NPFFR2: variants seen among roughly 807,000 people sequenced by gnomAD.
NPFFR2 encodes the protein neuropeptide FF receptor 2.
In NPFFR2, 15 loss-of-function variants were observed where a neutral mutation model predicts 13.1. That is an observed-to-expected ratio of 1.15 (90% CI 0.77 to 1.76). NPFFR2 has a LOEUF of 1.76. Among genes scored for constraint, NPFFR2 ranks in the 40% most tolerant of loss-of-function variants. The probability of loss-of-function intolerance (pLI) is 0.00; values close to 1 mark genes in which losing one functional copy is unlikely to be tolerated. For missense variants in NPFFR2, 572 were observed against 503.5 expected (o/e 1.14, Z -1.30); for synonymous variants, 190 against 175.7 (o/e 1.08, Z -0.65).
chr4:72,101,398 G>GT (rs1237257387), intron 1 of NPFFR2, among the ~76,000 whole-genome samples: 4 of 151,688 alleles, frequency 2.6e-5, no homozygotes, highest in African/African-American at 4.8e-5. Context: ...TTATTTATAT[G>GT]TTTTTTCTCT....
At chr4:72,139,151 G>T (rs906263800) in intron 3 of NPFFR2, among the ~76,000 whole-genome samples, 1 of 152,116 alleles carries the variant, frequency 6.6e-6, no homozygotes, top group Non-Finnish European at 1.5e-5. Context: ...GTAGATTCTG[G>T]ATATTAGCCC....
intron 1 of NPFFR2, among the ~76,000 whole-genome samples, chr4:72,045,667 G>T (rs1347097270): frequency 6.6e-6 from 1 of 152,016 alleles, no homozygotes; most frequent in Non-Finnish European, 1.5e-5. Context: ...GCCTACAGTT[G>T]GGCAAAAATC....
intron 1 of NPFFR2, among the ~76,000 whole-genome samples, chr4:72,068,030 T>C (rs1050034896): frequency 2.0e-5 from 3 of 152,290 alleles, no homozygotes; most frequent in Admixed American, 6.5e-5. Context: ...TTTTTCAACA[T>C]TTACTTCAAA....
At chr4:72,119,196 A>C (rs564518206) in intron 1 of NPFFR2, among the ~76,000 whole-genome samples, 80 of 152,354 alleles carry the variant, frequency 5.3e-4, no homozygotes, top group African/African-American at 1.9e-3. Context: ...TTTTTGTACC[A>C]AAATTTCCAA....
At chr4:72,086,845 T>C (rs570122888) in intron 1 of NPFFR2, among the ~76,000 whole-genome samples, 4 of 152,166 alleles carry the variant, frequency 2.6e-5, no homozygotes, top group African/African-American at 9.6e-5. Context: ...GATGACACCA[T>C]GTTTAATAAA....
At chr4:72,137,271 GA>G (rs1722447548) in intron 2 of NPFFR2, among the ~76,000 whole-genome samples, 2 of 152,152 alleles carry the variant, frequency 1.3e-5, no homozygotes, top group Admixed American at 6.6e-5. Context: ...AAAACTCTGA[GA>G]AATGCATAAT....
intron 1 of NPFFR2, among the ~76,000 whole-genome samples, chr4:72,038,066 C>G (rs192198237): frequency 6.6e-6 from 1 of 152,244 alleles, no homozygotes; most frequent in Admixed American, 6.5e-5. Context: ...CTTTTTTCCT[C>G]CTTTGACACC....
At chr4:72,140,755 A>G (rs1273775461) in intron 3 of NPFFR2, among the ~76,000 whole-genome samples, 1 of 152,162 alleles carries the variant, frequency 6.6e-6, no homozygotes, top group Non-Finnish European at 1.5e-5. Context: ...AGGCTTTGGT[A>G]TCAGGATGAT....
chr4:72,076,298 G>T (rs1302739374), intron 1 of NPFFR2, among the ~76,000 whole-genome samples: 1 of 151,896 alleles, frequency 6.6e-6, no homozygotes, highest in Admixed American at 6.6e-5. Flanking sequence ...AGAGGAAAGA[G>T]AATTGAGTAA....
intron 1 of NPFFR2, among the ~76,000 whole-genome samples, chr4:72,109,768 G>A (rs758610910): frequency 3.3e-4 from 50 of 151,864 alleles, no homozygotes; most frequent in Non-Finnish European, 5.6e-4. Flanking sequence ...CAAGGCCATT[G>A]GCTATAAGTG....
intron 1 of NPFFR2, among the ~76,000 whole-genome samples, chr4:72,076,016 G>C (rs1446759535): frequency 0.15 from 1,770 of 11,434 alleles, 42 homozygotes; most frequent in Admixed American, 0.26. Context: ...CAGAGAGAGA[G>C]AGAGGGCAGA....
chr4:72,110,329 A>G (rs1010527654), intron 1 of NPFFR2, among the ~76,000 whole-genome samples: 1 of 151,972 alleles, frequency 6.6e-6, no homozygotes, highest in African/African-American at 2.4e-5. Flanking sequence ...GCCATTCTGA[A>G]CTGTCAGTCA....
intron 1 of NPFFR2, among the ~76,000 whole-genome samples, chr4:72,120,021 A>G (rs1721823537): frequency 6.6e-6 from 1 of 152,108 alleles, no homozygotes; most frequent in South Asian, 2.1e-4. Flanking sequence ...GCAAGCTAAG[A>G]TCCACTGGCT....
intron 2 of NPFFR2, among the ~76,000 whole-genome samples, chr4:72,133,864 C>A (rs1036521907): frequency 6.6e-6 from 1 of 151,906 alleles, no homozygotes; most frequent in Non-Finnish European, 1.5e-5. Context: ...TTTTTTTTTA[C>A]CCTGAGACTT....
chr4:72,096,128 C>T (rs1299298139), intron 1 of NPFFR2, among the ~76,000 whole-genome samples: 1 of 152,082 alleles, frequency 6.6e-6, no homozygotes, highest in Non-Finnish European at 1.5e-5. Context: ...TTTAACATTC[C>T]TTCCAATAAT....
At chr4:72,087,404 C>A (rs1267783537) in intron 1 of NPFFR2, among the ~76,000 whole-genome samples, 1 of 152,032 alleles carries the variant, frequency 6.6e-6, no homozygotes, top group Non-Finnish European at 1.5e-5. Context: ...GCAGATAATA[C>A]AATTCTTATT....
At chr4:72,130,299 G>A (rs1722196481) in intron 2 of NPFFR2, among the ~76,000 whole-genome samples, 1 of 151,204 alleles carries the variant, frequency 6.6e-6, no homozygotes, top group Non-Finnish European at 1.5e-5. Flanking sequence ...TGACACATCT[G>A]ATATGATTAT....
chr4:72,138,174 T>G lies in NPFFR2; in HGVS notation c.428+35T>G, dbSNP rs16847523. ...CACCAAACTCTGAATCCAGAAAAAT[T>G]GGCATGTCTGCAACTAGTATACCAG... On this transcript the variant is annotated intron_variant, in intron 3 of 3. Transcript: ENST00000308744. 11,290 of 1,439,640 alleles carry G rather than the reference T, an allele frequency of 7.8e-3. 558 individuals are homozygous for G. The African/African-American group carries it at 0.12, about 15-fold the overall frequency. 89.2% of individuals were successfully genotyped at this position (1,439,640 alleles called of 1,614,324 possible).
chr4:72,123,961 A>T (rs191026341), intron 1 of NPFFR2, among the ~76,000 whole-genome samples: 476 of 152,328 alleles, frequency 3.1e-3, no homozygotes, highest in Middle Eastern at 6.8e-3. Context: ...TTAGGAAAGG[A>T]GGAAGTCAAA....
Sources: gnomAD v4.1 joint callset for allele counts (sites outside exome capture counted in the v4.1 genomes callset) on GRCh38, gnomAD v4.1.1 for gene constraint, MANE v1.5 for transcripts, NCBI Gene and HGNC (gene_info 2026-07-23, HGNC 2026-07-21) for gene names.